Variants in PARP8 observed in about 807,000 individuals in gnomAD.
The protein encoded by PARP8 is protein mono-ADP-ribosyltransferase PARP8.
Under a neutral mutation model 124.1 loss-of-function variants are expected in PARP8, and 51 were observed. That is an observed-to-expected ratio of 0.41 (90% confidence interval 0.33 to 0.52). PARP8 has a LOEUF of 0.52. Among genes scored for constraint, PARP8 ranks in the 20% least tolerant of loss-of-function variants. The pLI, the probability that PARP8 is intolerant of heterozygous loss-of-function variation, is 0.21. For synonymous variants in PARP8, 391 were observed against 361.5 expected, an observed-to-expected ratio of 1.08 and a Z score of -0.93; for missense variants, 860 against 1,018.9, an observed-to-expected ratio of 0.84 and a Z score of 2.12.
intron 19 of PARP8, 73 bp from the exon 20 acceptor site, chr5:50,827,850 GGTAATTCTTAAACCAATAAAA>G: frequency 1.2e-6 from 1 of 865,424 alleles, no homozygotes; most frequent in Non-Finnish European, 1.9e-6. Context: ...TTTGAAAGTG[GGTAATTCTTAAACCAATAAAA>G]TTTGAAATTG....
At chr5:50,706,255 T>C (rs1754139209) in intron 2 of PARP8, among the ~76,000 whole-genome samples, 1 of 152,182 alleles carries the variant, frequency 6.6e-6, no homozygotes, top group Admixed American at 6.6e-5. Flanking sequence ...GTTTGGAATT[T>C]TATTTCTGTG....
chr5:50,713,103 A>G (rs1754943675), intron 2 of PARP8, among the ~76,000 whole-genome samples: 2 of 151,958 alleles, frequency 1.3e-5, no homozygotes, highest in African/African-American at 4.8e-5. Flanking sequence ...ATTGTGCTTT[A>G]TTTTCCCCAT....
At chr5:50,792,360 T>C (rs986477851) in intron 10 of PARP8, among the ~76,000 whole-genome samples, 1 of 152,182 alleles carries the variant, frequency 6.6e-6, no homozygotes, top group African/African-American at 2.4e-5. Flanking sequence ...TTCTTTTGCA[T>C]CCAAGGACAA....
At chr5:50,800,510 A>G (rs1458391087) in intron 14 of PARP8, among the ~76,000 whole-genome samples, 1 of 152,142 alleles carries the variant, frequency 6.6e-6, no homozygotes, top group African/African-American at 2.4e-5. Context: ...ATTTAGGGGG[A>G]AAATGTTCAG....
intron 18 of PARP8, among the ~76,000 whole-genome samples, chr5:50,825,480 G>A (rs1423113485): frequency 3.3e-5 from 5 of 152,174 alleles, no homozygotes; most frequent in African/African-American, 1.2e-4. Flanking sequence ...GAGTGAGCCT[G>A]GTGAGGGATG....
chr5:50,822,137 T>A (rs1228041356), intron 16 of PARP8, among the ~76,000 whole-genome samples, 198 bp from the exon 17 acceptor site: 2 of 152,230 alleles, frequency 1.3e-5, no homozygotes, highest in Admixed American at 1.3e-4. Context: ...TTGTTTTCTT[T>A]GTTTCTTTTC....
At chr5:50,672,205 C>G (rs1286479783) in intron 2 of PARP8, among the ~76,000 whole-genome samples, 7 of 152,168 alleles carry the variant, frequency 4.6e-5, no homozygotes, top group Admixed American at 2.6e-4. Context: ...TATGATTCTG[C>G]TAGGTGTTTC....
chr5:50,816,150 G>A (rs1442692894), intron 15 of PARP8, among the ~76,000 whole-genome samples: 1 of 152,122 alleles, frequency 6.6e-6, no homozygotes, highest in African/African-American at 2.4e-5. Flanking sequence ...ACAAAATATA[G>A]TATTGGCAAA....
rs112013444 is a variant in PARP8 at position 50,744,054 on chromosome 5, A to ACT, written c.147-6096_147-6095dup. On this transcript the variant is annotated intron_variant, in intron 2 of 25. Coordinates refer to ENST00000281631, the MANE Select transcript of PARP8 (RefSeq NM_024615.4). Reference sequence around the variant, plus strand: ...TCTGGGTGTTGTTGAAAAAGCATGAACTGAGGATCCAGGAGTTTGACGTTA... The same window carrying ACT: ...TCTGGGTGTTGTTGAAAAAGCATGAACTCTGAGGATCCAGGAGTTTGACGTTA... Among the ~76,000 whole-genome samples the ACT allele has an allele frequency of 9.7e-4, 147 of 152,308 alleles. 1 individual carries two copies. The highest frequency in any genetic ancestry group is 3.4e-3 in the African/African-American group (142 of 41,564).
rs1185625704 is a variant in PARP8, at chr5:50,667,624, G to A, written c.91+438G>A. On this transcript the variant is annotated intron_variant, in intron 1 of 25. Coordinates refer to ENST00000281631, the MANE Select transcript of PARP8 (RefSeq NM_024615.4). ...CTTGTAAGCTGCGCCCGGCGCCGAG[G>A]ACCCCCGGGGGGCAGCGCTCGGCCC... 3.4e-5 allele frequency: 24 copies of A among 698,860 alleles called. No individual in the cohort carries two copies. The Admixed American group carries it at 4.6e-4, about 13-fold the overall frequency. The allele number at this position is 698,860 out of a possible 1,614,324, so 43.3% of individuals were successfully genotyped here.
intron 2 of PARP8, among the ~76,000 whole-genome samples, chr5:50,699,329 G>A (rs73099001): frequency 0.023 from 3,572 of 152,292 alleles, 141 homozygotes; most frequent in African/African-American, 0.082. Flanking sequence ...ACGTAAGTCC[G>A]TTCCCTAAAG....
intron 18 of PARP8, among the ~76,000 whole-genome samples, chr5:50,826,195 T>C (rs553696266): frequency 6.6e-6 from 1 of 152,220 alleles, no homozygotes; most frequent in African/African-American, 2.4e-5. Flanking sequence ...CCAAAACTTA[T>C]TATTTTGTGT....
chr5:50,784,804 A>G (rs1362605939), intron 9 of PARP8, among the ~76,000 whole-genome samples: 1 of 152,004 alleles, frequency 6.6e-6, no homozygotes, highest in Non-Finnish European at 1.5e-5. Flanking sequence ...TTAGGTCACT[A>G]ATTTTAGCTA....
At chr5:50,826,669 T>A (rs1475681453) in intron 18 of PARP8, 86 bp from the exon 19 acceptor site, 1 of 1,464,938 alleles carries the variant, frequency 6.8e-7, no homozygotes, top group Non-Finnish European at 9.0e-7. Context: ...ACAGCAAAAA[T>A]AAGTTTTAAT....
chr5:50,774,548 T>C (rs1364223573), intron 7 of PARP8, among the ~76,000 whole-genome samples: 75 of 77,052 alleles, frequency 9.7e-4, no homozygotes, highest in Non-Finnish European at 1.2e-3. Context: ...GCGCTCCTCA[T>C]TTCCCAGATG....
At chr5:50,670,921 T>C (rs1175033792) in intron 2 of PARP8, among the ~76,000 whole-genome samples, 3 of 152,210 alleles carry the variant, frequency 2.0e-5, no homozygotes, top group Non-Finnish European at 4.4e-5. Flanking sequence ...TTACATATGC[T>C]TGAAAACTTG....
intron 3 of PARP8, among the ~76,000 whole-genome samples, chr5:50,756,068 A>C (rs1759909971): frequency 6.6e-6 from 1 of 152,290 alleles, no homozygotes; most frequent in Non-Finnish European, 1.5e-5. Context: ...TTATCAGCTT[A>C]GGGAGATTTT....
intron 2 of PARP8, chr5:50,741,765 A>T (rs1474442931): frequency 2.4e-6 from 1 of 416,102 alleles, no homozygotes; most frequent in Non-Finnish European, 4.7e-6. Flanking sequence ...AAAGGGTAAT[A>T]CGTAATTTAT....
At chr5:50,716,897 T>C (rs1755377142) in intron 2 of PARP8, among the ~76,000 whole-genome samples, 1 of 152,124 alleles carries the variant, frequency 6.6e-6, no homozygotes, top group African/African-American at 2.4e-5. Context: ...TAGTATGTGT[T>C]TTATATGTAT....
Sources: gnomAD v4.1 joint callset for allele counts (sites outside exome capture counted in the v4.1 genomes callset) on GRCh38, gnomAD v4.1.1 for gene constraint, MANE v1.5 for transcripts, NCBI Gene and HGNC (gene_info 2026-07-23, HGNC 2026-07-21) for gene names.